Variants in CASC3 observed in about 807,000 individuals in gnomAD.
The protein encoded by CASC3 is protein CASC3.
Under a neutral mutation model 80.5 loss-of-function variants are expected in CASC3, and 30 were observed. The observed-to-expected ratio is 0.37, with a 90% CI of 0.28 to 0.51. The LOEUF (loss-of-function observed/expected upper bound fraction) is 0.51. CASC3 is among the 20% of genes least tolerant of loss of function. CASC3 has a pLI of 0.94. For missense variants in CASC3, 824 were observed against 922.2 expected (o/e 0.89, Z 1.38); for synonymous variants, 312 against 333.6 (o/e 0.94, Z 0.70).
intron 1 of CASC3, 151 bp from the exon 2 acceptor site, chr17:40,141,056 C>A (rs1567674670): frequency 2.7e-6 from 2 of 750,754 alleles, no homozygotes; most frequent in Admixed American, 4.6e-5. Flanking sequence ...ACCAGACCTG[C>A]CTTGGCTACT....
At chr17:40,157,044 T>TA (rs1250353523) in intron 3 of CASC3, among the ~76,000 whole-genome samples, 16 of 151,488 alleles carry the variant, frequency 1.1e-4, no homozygotes, top group Non-Finnish European at 1.5e-5. Flanking sequence ...CCCCATCTGT[T>TA]AAAAAAATAA....
intron 1 of CASC3, 192 bp from the exon 2 acceptor site, chr17:40,141,015 T>C: frequency 3.1e-6 from 2 of 641,556 alleles, no homozygotes; most frequent in South Asian, 4.0e-5. Context: ...AGCGGATGTT[T>C]TATTCAGAAG....
intron 13 of CASC3, 100 bp from the exon 14 acceptor site, chr17:40,170,347 A>G (rs566909296): frequency 4.7e-4 from 377 of 804,918 alleles, no homozygotes; most frequent in Admixed American, 1.1e-3. Context: ...ATTACTTAAA[A>G]CACATTATTT....
At chr17:40,141,501 G>A in intron 2 of CASC3, 69 bp from the exon 3 acceptor site, 4 of 1,298,948 alleles carry the variant, frequency 3.1e-6, no homozygotes, top group Non-Finnish European at 3.3e-6. Flanking sequence ...CTCTTAGTCT[G>A]ACCTGTAATA....
chr17:40,155,439 T>C (rs1273041444), intron 3 of CASC3, among the ~76,000 whole-genome samples: 3 of 152,110 alleles, frequency 2.0e-5, no homozygotes, highest in African/African-American at 7.2e-5. Context: ...TTTAAGGTTT[T>C]AAAAGTGGAG....
At chr17:40,153,933 C>T (rs1447258513) in intron 3 of CASC3, among the ~76,000 whole-genome samples, 1 of 151,962 alleles carries the variant, frequency 6.6e-6, no homozygotes, top group Admixed American at 6.6e-5. Flanking sequence ...AATTAGCCAG[C>T]CACTGTGGCA....
At position 40,169,568 on chromosome 17, in the gene CASC3, T is replaced by A. The variant is rs200258210; in HGVS notation, c.2089-30T>A. On this transcript the variant is annotated intron_variant, in intron 12 of 13. Coordinates refer to ENST00000264645, the MANE Select transcript of CASC3 (RefSeq NM_007359.5). ...GGAAAACAGTCTTTTTGTTATGACC[T>A]GATAACAAATTCCAACTTTGTTATT... is the stretch of plus-strand genomic sequence containing the variant. The A allele has an allele frequency of 2.3e-4, 358 of 1,589,876 alleles. 4 individuals carry two copies. In the South Asian group the frequency reaches 3.9e-3, roughly 17 times the overall value.
At position 40,150,415 on chromosome 17, in the gene CASC3, C is replaced by CGTGT. The variant is rs10545573; in HGVS notation, c.297+8835_297+8838dup. Among the ~76,000 whole-genome samples the CGTGT allele has an allele frequency of 7.6e-3, 1,129 of 149,038 alleles. 16 individuals are homozygous for CGTGT. Among genetic ancestry groups the CGTGT allele is most frequent in the African/African-American group, 0.025 (998 of 40,528 alleles). The stretch of plus-strand genomic sequence containing the variant: ...CTGCTTCAAAAAGTAAGAGTGTGTG[C>CGTGT]GTGTGTGTGTGTGTGTGTGTGTGTG... On this transcript the variant is annotated intron_variant, in intron 3 of 13. Transcript: ENST00000264645.
At chr17:40,165,778 T>C (rs1331456604) in intron 7 of CASC3, among the ~76,000 whole-genome samples, 2 of 150,736 alleles carry the variant, frequency 1.3e-5, no homozygotes, top group East Asian at 1.9e-4. Flanking sequence ...TTTTTTTTTT[T>C]AGATGGGTCC....
chr17:40,156,404 C>T (rs896242512), intron 3 of CASC3, among the ~76,000 whole-genome samples: 1 of 151,974 alleles, frequency 6.6e-6, no homozygotes, highest in South Asian at 2.1e-4. Context: ...AACCTTTGAA[C>T]GGCCAGGCGC....
chr17:40,165,160 T>G (rs965519836), intron 7 of CASC3, among the ~76,000 whole-genome samples: 2 of 151,842 alleles, frequency 1.3e-5, no homozygotes, highest in African/African-American at 4.8e-5. Context: ...CCTGACCTCG[T>G]GATCCGCCCA....
chr17:40,165,554 G>A (rs1363442735), intron 7 of CASC3, among the ~76,000 whole-genome samples: 5 of 151,974 alleles, frequency 3.3e-5, no homozygotes, highest in East Asian at 1.9e-4. Context: ...AGAAGACAAC[G>A]TTATTATTTG....
rs1989107389 is a variant in CASC3, at chr17:40,154,944, C to T, written c.298-6809C>T. On this transcript the variant is annotated intron_variant, in intron 3 of 13. Coordinates refer to ENST00000264645, the MANE Select transcript of CASC3 (RefSeq NM_007359.5). ...TCGCTCTTTCACCCAGGCTGGAGTG[C>T]AGTGGCGCTATCTAGGTTCACTGCA... Among the ~76,000 whole-genome samples, 2 of 152,132 alleles carry T rather than the reference C, an allele frequency of 1.3e-5. 1 individual carries two copies. Among genetic ancestry groups the T allele is most frequent in the Admixed American group, 1.3e-4 (2 of 15,264 alleles).
Position 40,163,958 on chromosome 17 carries a change from AGAG to A in CASC3, c.1268_1270del (p.Glu423del). On this transcript the variant is annotated inframe_deletion, in exon 7 of 14. Transcript: ENST00000264645. ...AAGTTGGAGATGCAGTCAAGCTTGC[AGAG>A]GAGGTGCCCCCTCCTCCTGAAGGAC... The A allele has an allele frequency of 6.2e-7, 1 of 1,614,142 alleles. No homozygotes were observed. The highest frequency in any genetic ancestry group is 1.3e-5 in the African/African-American group (1 of 75,054).
chr17:40,160,170 A>C (rs1276751164), intron 3 of CASC3, among the ~76,000 whole-genome samples: 1 of 152,116 alleles, frequency 6.6e-6, no homozygotes, highest in Non-Finnish European at 1.5e-5. Context: ...CTTACGTCAA[A>C]GTATAGTTAT....
rs749510463 is a variant in CASC3 at position 40,163,638 on chromosome 17, C to T, written c.943C>T (p.Arg315Ter). 6.2e-7 allele frequency: 1 copy of T among 1,614,114 alleles called. No homozygotes were observed. Among genetic ancestry groups the T allele is most frequent in the Non-Finnish European group, 8.5e-7 (1 of 1,180,012 alleles). The change falls in exon 7 of 14, where the codon CGA becomes TGA. Residue 315 changes from arginine to a stop codon, truncating the protein, a stop_gained. Coordinates refer to ENST00000264645, the MANE Select transcript of CASC3 (RefSeq NM_007359.5). LOFTEE classifies it high-confidence loss of function. ...GRMSAPRNYS[R>*]SGGFKEGRAG... ...TATGTCTGCACCCAGGAATTATTCT[C>T]GATCTGGGGGCTTCAAGGAAGGTCG...
intron 11 of CASC3, 132 bp from the exon 12 acceptor site, chr17:40,169,191 AG>A: frequency 1.1e-6 from 1 of 925,010 alleles, no homozygotes; most frequent in Non-Finnish European, 1.5e-6. Flanking sequence ...TTTATTTTGA[AG>A]GGTGGGCAGA....
intron 3 of CASC3, among the ~76,000 whole-genome samples, chr17:40,160,437 G>A (rs3923170): frequency 0.061 from 9,194 of 151,952 alleles, 373 homozygotes; most frequent in Middle Eastern, 0.12. Flanking sequence ...TGAGATTGCA[G>A]TAAGCCATGA....
At chr17:40,158,435 A>G (rs1048141806) in intron 3 of CASC3, among the ~76,000 whole-genome samples, 9 of 152,180 alleles carry the variant, frequency 5.9e-5, no homozygotes, top group South Asian at 2.1e-4. Flanking sequence ...CCTTGAACCC[A>G]TTTCTCTGTG....
Sources: allele counts gnomAD v4.1 joint callset (sites outside exome capture counted in the v4.1 genomes callset), GRCh38; gene constraint gnomAD v4.1.1; transcripts MANE v1.5; gene names NCBI Gene and HGNC (gene_info 2026-07-23, HGNC 2026-07-21).